The following CTNNA2 variants were observed in gnomAD, a reference collection of about 807,000 sequenced individuals.
CTNNA2 encodes the protein catenin alpha 2.
A neutral mutation model predicts 101.0 loss-of-function variants in CTNNA2; 42 were observed. The ratio of observed to expected loss-of-function variants is 0.42; its 90% confidence interval spans 0.32 to 0.54. CTNNA2 has a LOEUF of 0.54. Among genes scored for constraint, CTNNA2 ranks in the 20% least tolerant of loss-of-function variants. The probability of loss-of-function intolerance (pLI) is 0.14; values close to 1 mark genes in which losing one functional copy is unlikely to be tolerated. For missense variants in CTNNA2, 871 were observed against 1,223.1 expected, an observed-to-expected ratio of 0.71 and a Z score of 4.29; for synonymous variants, 450 against 456.4, an observed-to-expected ratio of 0.99 and a Z score of 0.18.
At chr2:80,647,126 GAAGC>G (rs1188062211) in intron 18 of CTNNA2, among the ~76,000 whole-genome samples, 4 of 152,014 alleles carry the variant, frequency 2.6e-5, no homozygotes, top group Non-Finnish European at 5.9e-5. Flanking sequence ...ACACCTCATA[GAAGC>G]AAGAACACCC....
At chr2:79,671,862 G>A (rs549157777) in intron 2 of CTNNA2, among the ~76,000 whole-genome samples, 7 of 152,160 alleles carry the variant, frequency 4.6e-5, no homozygotes, top group South Asian at 2.1e-4. Context: ...TGTCATAGGT[G>A]ATTCTATCAG....
At chr2:79,546,994 C>T (rs868400649) in intron 1 of CTNNA2, among the ~76,000 whole-genome samples, 18 of 116,692 alleles carry the variant, frequency 1.5e-4, no homozygotes, top group African/African-American at 4.6e-4. Flanking sequence ...GTGAAAAGAA[C>T]GCTTGATGTA....
rs113303327 is a variant in CTNNA2 at position 80,536,608 on chromosome 2, G to A, written c.1291-8374G>A. On this transcript the variant is annotated intron_variant, in intron 9 of 18. Transcript: ENST00000402739. ...TATTAAAAAATGTAATTTGATTTCC[G>A]AGGCCAGAAAAAGGGAAAATGTTCT... 5.7e-3 allele frequency among the ~76,000 whole-genome samples: 863 copies of A among 152,240 alleles called. 7 individuals are homozygous for A. Among genetic ancestry groups the A allele is most frequent in the Non-Finnish European group, 7.0e-3 (475 of 68,026 alleles).
At chr2:79,883,823 G>A (rs149639476) in intron 6 of CTNNA2, among the ~76,000 whole-genome samples, 37 of 152,122 alleles carry the variant, frequency 2.4e-4, no homozygotes, top group Non-Finnish European at 4.9e-4. Context: ...ATATCTTTGA[G>A]ATGCTTCAAC....
At position 80,170,880 on chromosome 2, in the gene CTNNA2, A is replaced by G. The variant is rs75392851; in HGVS notation, c.1057-222331A>G. On this transcript the variant is annotated intron_variant, in intron 7 of 18. Coordinates refer to ENST00000402739, the MANE Select transcript of CTNNA2 (RefSeq NM_001282597.3). The stretch of plus-strand genomic sequence containing the variant: ...CTGCTCTATACACTGAAAGGGTACA[A>G]CTTTTCAGTGTATCAGTTTCCCTGT... Among the ~76,000 whole-genome samples the G allele has an allele frequency of 2.4e-3, 372 of 152,288 alleles. 7 individuals carry two copies. Among genetic ancestry groups the G allele is most frequent in the Admixed American group, 0.016 (242 of 15,294 alleles).
At chr2:80,077,604 TAAAC>T (rs1046051012) in intron 7 of CTNNA2, among the ~76,000 whole-genome samples, 5 of 147,156 alleles carry the variant, frequency 3.4e-5, no homozygotes, top group Admixed American at 6.7e-5. Flanking sequence ...AAAAAAAACA[TAAAC>T]AAAACAAAGC....
intron 7 of CTNNA2, among the ~76,000 whole-genome samples, chr2:80,318,842 G>A (rs1161403896): frequency 6.6e-6 from 1 of 152,140 alleles, no homozygotes; most frequent in Non-Finnish European, 1.5e-5. Context: ...ACAAGAGATA[G>A]TCCCTTGGTA....
At chr2:79,490,951 G>A (rs1326943262) in intron 4 of CTNNA2, among the ~76,000 whole-genome samples, 1 of 152,128 alleles carries the variant, frequency 6.6e-6, no homozygotes, top group African/African-American at 2.4e-5. Context: ...AGTAGTAGAA[G>A]TGGTTATATG....
intron 7 of CTNNA2, among the ~76,000 whole-genome samples, chr2:80,217,538 A>G (rs558889863): frequency 5.9e-5 from 9 of 152,232 alleles, no homozygotes; most frequent in African/African-American, 2.2e-4. Context: ...CTGAAAGCCC[A>G]TGGCTTTCAA....
intron 7 of CTNNA2, among the ~76,000 whole-genome samples, chr2:80,060,079 G>T (rs1343338516): frequency 1.3e-5 from 2 of 152,224 alleles, no homozygotes; most frequent in African/African-American, 4.8e-5. Flanking sequence ...CCAAGAATGA[G>T]CATGGGAGAG....
chr2:79,682,084 C>T (rs1448478502), intron 2 of CTNNA2, among the ~76,000 whole-genome samples: 1 of 152,040 alleles, frequency 6.6e-6, no homozygotes, highest in African/African-American at 2.4e-5. Flanking sequence ...ACTTTTTAGG[C>T]TGAATATTTA....
chr2:80,266,163 C>T (rs891841337), intron 7 of CTNNA2, among the ~76,000 whole-genome samples: 4 of 152,218 alleles, frequency 2.6e-5, no homozygotes, highest in East Asian at 3.9e-4. Context: ...TAATTTCCCA[C>T]CTTAAGAGTA....
chr2:79,321,930 C>T (rs1676633817), intron 3 of CTNNA2, among the ~76,000 whole-genome samples: 1 of 152,150 alleles, frequency 6.6e-6, no homozygotes, highest in Non-Finnish European at 1.5e-5. Flanking sequence ...TTTAAACAGA[C>T]ATAGAAATCA....
intron 7 of CTNNA2, among the ~76,000 whole-genome samples, chr2:80,074,579 C>T (rs1163098613): frequency 6.6e-6 from 1 of 152,066 alleles, no homozygotes; most frequent in African/African-American, 2.4e-5. Flanking sequence ...GCAGGAACAA[C>T]ACCTGATCAA....
chr2:79,961,543 C>T (rs1449193294), intron 7 of CTNNA2, among the ~76,000 whole-genome samples: 2 of 152,174 alleles, frequency 1.3e-5, no homozygotes, highest in Non-Finnish European at 2.9e-5. Context: ...GCTGGCCCGG[C>T]CTGGCGTGGT....
intron 9 of CTNNA2, among the ~76,000 whole-genome samples, chr2:80,480,891 C>T (rs6727364): frequency 4.6e-5 from 7 of 151,944 alleles, no homozygotes; most frequent in East Asian, 3.9e-4. Context: ...AAGATAGTTG[C>T]GATAAATAAA....
In CTNNA2 at chr2:79,399,107, G is replaced by T. The variant is rs571917957; in HGVS notation, c.-135+25094G>T. 5.9e-5 allele frequency among the ~76,000 whole-genome samples: 9 copies of T among 152,176 alleles called. No individual in the cohort carries two copies. The South Asian group carries it at 1.9e-3, about 32-fold the overall frequency. ...CTTTATTTGACCAGACTCAGAGTTA[G>T]CTTAGTGCAAACAGCCATACTAGAA... is the stretch of plus-strand genomic sequence containing the variant. On this transcript the variant is annotated intron_variant, in intron 4 of 21. Transcript: ENST00000466387.
At chr2:79,398,743 G>T (rs985257415) in intron 4 of CTNNA2, among the ~76,000 whole-genome samples, 1 of 151,328 alleles carries the variant, frequency 6.6e-6, no homozygotes, top group African/African-American at 2.4e-5. Context: ...AACAATAACA[G>T]GGATATTGGC....
At chr2:79,226,024 GA>G (rs563398183) in intron 2 of CTNNA2, among the ~76,000 whole-genome samples, 2 of 152,214 alleles carry the variant, frequency 1.3e-5, no homozygotes, top group African/African-American at 4.8e-5. Flanking sequence ...CCCTATGTGA[GA>G]AATCAACTGA....
Sources: allele counts gnomAD v4.1 joint callset (sites outside exome capture counted in the v4.1 genomes callset), GRCh38; gene constraint gnomAD v4.1.1; transcripts MANE v1.5; gene names NCBI Gene and HGNC (gene_info 2026-07-23, HGNC 2026-07-21).